Variants in ALKBH2 observed in about 807,000 individuals in gnomAD.
The protein encoded by ALKBH2 is DNA oxidative demethylase ALKBH2.
A neutral mutation model predicts 19.7 loss-of-function variants in ALKBH2; 19 were observed. The observed-to-expected ratio is 0.97, with a 90% CI of 0.67 to 1.42. The LOEUF (loss-of-function observed/expected upper bound fraction) is 1.42, where lower values mean the gene tolerates loss of function less well. Among genes scored for constraint, ALKBH2 ranks in the 40% most tolerant of loss-of-function variants. ALKBH2 has a pLI of 0.00. For synonymous variants in ALKBH2, 135 were observed against 131.2 expected (o/e 1.03, Z -0.20); for missense variants, 310 against 328.5 (o/e 0.94, Z 0.43).
At position 109,089,467 on chromosome 12, in the gene ALKBH2, G is replaced by T. The variant is rs147973384; in HGVS notation, c.479+542C>A. On this transcript the variant is annotated intron_variant, in intron 3 of 3. Transcript: ENST00000429722. The stretch of plus-strand genomic sequence containing the variant: ...AGGCCAGGGATCTGCTCAACATCCT[G>T]CAAGGCACAGGTCAGCCCCAACAAC... 5.4e-3 allele frequency among the ~76,000 whole-genome samples: 822 copies of T among 152,274 alleles called. 11 individuals carry two copies. The highest frequency in any genetic ancestry group is 0.012 in the South Asian group (59 of 4,832).
intron 2 of ALKBH2, among the ~76,000 whole-genome samples, chr12:109,091,520 G>A (rs1171405650): frequency 1.3e-5 from 2 of 152,060 alleles, no homozygotes; most frequent in Non-Finnish European, 2.9e-5. Flanking sequence ...ACCGTGCCTG[G>A]CCTGTGGGCT....
chr12:109,090,103 G>A lies in ALKBH2; in HGVS notation c.385C>T (p.Leu129=), dbSNP rs780699488. The A allele has an allele frequency of 1.5e-5, 24 of 1,614,094 alleles. No homozygotes were observed. The South Asian group carries it at 2.6e-4, about 18-fold the overall frequency. ...GLTYTFSGLT[L]SPKPWIPVLE... The stretch of plus-strand genomic sequence containing the variant: ...ACTGGGATCCAGGGCTTTGGAGACA[G>A]CGTGAGGCCTGAAAATGTGTAGGTC... Residue 129 remains leucine (L), a synonymous_variant, in exon 3 of 4, where the codon CTG becomes TTG. Transcript: ENST00000429722.
At position 109,092,734 on chromosome 12, in the gene ALKBH2, T is replaced by C. The variant is rs1321530501; in HGVS notation, c.53A>G (p.Glu18Gly). 2 of 1,614,008 alleles carry C rather than the reference T, an allele frequency of 1.2e-6. No homozygotes were observed. Among genetic ancestry groups the C allele is most frequent in the African/African-American group, 2.7e-5 (2 of 74,928 alleles). Residue 18 changes from glutamate (E) to glycine (G), a missense_variant, in exon 2 of 4, where the codon GAG (glutamate) becomes GGG (glycine). Glu to Gly is a moderately conservative substitution (Grantham distance 98). Transcript: ENST00000429722. The stretch of plus-strand genomic sequence containing the variant: ...CTCTTCTCCAGTTGGCTCTTGCTCC[T>C]CCTGCTTCCTCAAAAGGCCCCCTTG... ...GAQGGLLRKQ[E>G]EQEPTGEEPA...
Position 109,088,271 on chromosome 12 carries a change from T to A in ALKBH2, c.721A>T (p.Arg241Ter), listed in dbSNP as rs781476026. 1 of 1,613,794 alleles carries A rather than the reference T, an allele frequency of 6.2e-7. No individual in the cohort carries two copies. Among genetic ancestry groups the A allele is most frequent in the Non-Finnish European group, 8.5e-7 (1 of 1,179,888 alleles). Residue 241 changes from arginine (R) to a stop codon, truncating the protein, a stop_gained, in exon 4 of 4, where the codon AGA becomes TGA. Transcript: ENST00000429722. LOFTEE classifies it high-confidence loss of function. This position sits in a 1 kb window ranked among gnomAD's most constrained non-coding sequence, Gnocchi z 4.2. The stretch of plus-strand genomic sequence containing the variant: ...ACCCGTGGAGCCAGAACCTTCTTTC[T>A]CACGGGAAGACTGTGGTACCAGTGC... ...NTHWYHSLPV[R>*]KKVLAPRVNL...
Position 109,088,453 on chromosome 12 carries a change from G to A in ALKBH2, c.539C>T (p.Pro180Leu). The A allele has an allele frequency of 2.5e-6, 4 of 1,613,486 alleles. No homozygotes were observed. The highest frequency in any genetic ancestry group is 3.4e-6 in the Non-Finnish European group (4 of 1,179,534). Residue 180 changes from proline (P) to leucine (L), a missense_variant, in exon 4 of 4, where the codon CCT becomes CTT. By Grantham distance (98) the Pro-to-Leu change is moderately conservative. Transcript: ENST00000429722. This position sits in a 1 kb window ranked among gnomAD's most constrained non-coding sequence, Gnocchi z 4.2. ...EHRDDERELAPGSPIASVSFG... is the reference protein window; with the variant it reads ...EHRDDERELALGSPIASVSFG... ...GGAGACAGAGGCAATGGGGCTCCCA[G>A]GGGCCAGTTCTCTTTCATCATCTCG... is the stretch of plus-strand genomic sequence containing the variant.
intron 2 of ALKBH2, among the ~76,000 whole-genome samples, chr12:109,091,560 C>T (rs954016139): frequency 6.6e-6 from 1 of 151,650 alleles, no homozygotes. Context: ...TGTTTTGAGA[C>T]ACAGTCTCAC....
intron 2 of ALKBH2, 154 bp downstream of exon 2, chr12:109,092,353 C>G (rs1387997831): frequency 8.1e-7 from 1 of 1,242,064 alleles, no homozygotes; most frequent in African/African-American, 1.6e-5. Flanking sequence ...AGGGGCTTAG[C>G]CCAGAGGTGC....
intron 2 of ALKBH2, 49 bp from the exon 3 acceptor site, chr12:109,090,256 AAAT>A: frequency 6.4e-7 from 1 of 1,568,820 alleles, no homozygotes; most frequent in Non-Finnish European, 8.7e-7. Flanking sequence ...CCCCATCTAG[AAAT>A]CCAGATGCCC....
chr12:109,089,210 C>T (rs1299817569), intron 3 of ALKBH2, among the ~76,000 whole-genome samples: 2 of 152,238 alleles, frequency 1.3e-5, no homozygotes, highest in African/African-American at 4.8e-5. Flanking sequence ...GGCCATCCTG[C>T]AGCATTTTTG....
At chr12:109,089,336 G>A (rs11069058) in intron 3 of ALKBH2, among the ~76,000 whole-genome samples, 127,241 of 152,084 alleles carry the variant, frequency 0.84, 53,793 homozygotes, top group East Asian at 0.98. Context: ...CACCCCATCT[G>A]AAGTGACCTT....
chr12:109,092,300 A>T, intron 2 of ALKBH2: 1 of 663,738 alleles, frequency 1.5e-6, no homozygotes, highest in Non-Finnish European at 2.2e-6. Flanking sequence ...CTCCTAGTAG[A>T]CAGGCAATCC....
rs61358885 is a variant in ALKBH2 at position 109,092,473 on chromosome 12, GCA to G, written c.280+32_280+33del. 3,083 of 1,337,602 alleles carry G rather than the reference GCA, an allele frequency of 2.3e-3. 1 individual carries two copies. The highest frequency in any genetic ancestry group is 4.7e-3 in the South Asian group (301 of 64,400). 82.9% of individuals were successfully genotyped at this position (1,337,602 alleles called of 1,614,324 possible). A position where few individuals can be genotyped will look rare whatever the true frequency, so the allele number is the denominator to read the frequency against. Reference sequence around the variant, plus strand: ...TAATTGCACCAAACAAGCCCTCAATGCACACACACACACACACACACCCCTCT... The same window carrying G: ...TAATTGCACCAAACAAGCCCTCAATGCACACACACACACACACACCCCTCT... On this transcript the variant is annotated intron_variant, in intron 2 of 3. Coordinates refer to ENST00000429722, the MANE Select transcript of ALKBH2 (RefSeq NM_001145374.2).
chr12:109,091,408 C>T (rs773496594), intron 2 of ALKBH2, among the ~76,000 whole-genome samples: 1 of 151,872 alleles, frequency 6.6e-6, no homozygotes, highest in Non-Finnish European at 1.5e-5. Flanking sequence ...AATAAAGTGA[C>T]GAGGGGGTCT....
intron 2 of ALKBH2, among the ~76,000 whole-genome samples, 198 bp from the exon 3 acceptor site, chr12:109,090,405 T>A (rs1269642833): frequency 6.6e-6 from 1 of 152,216 alleles, no homozygotes; most frequent in Non-Finnish European, 1.5e-5. Flanking sequence ...TCAATCATCA[T>A]TTTGGCTTGC....
chr12:109,089,955 C>T (rs993892040), intron 3 of ALKBH2, 54 bp downstream of exon 3: 3 of 1,597,576 alleles, frequency 1.9e-6, no homozygotes, highest in Admixed American at 1.7e-5. Flanking sequence ...TAAACACTTC[C>T]TTTTGGAGGA....
chr12:109,090,315 C>T (rs990383926), intron 2 of ALKBH2, 108 bp from the exon 3 acceptor site: 4 of 882,202 alleles, frequency 4.5e-6, no homozygotes, highest in African/African-American at 1.6e-5. Flanking sequence ...GCCCCACATA[C>T]ATGCTCCCTG....
At position 109,088,579 on chromosome 12, in the gene ALKBH2, C is replaced by T; in HGVS notation, c.480-67G>A. The T allele has an allele frequency of 6.9e-7, 1 of 1,443,944 alleles. No individual in the cohort carries two copies. The highest frequency in any genetic ancestry group is 9.4e-7 in the Non-Finnish European group (1 of 1,065,436). The allele number at this position is 1,443,944 out of a possible 1,614,324, so 89.4% of individuals were successfully genotyped here. ...TCCTGAAACTCACCAGCACCGCCAG[C>T]CCTCGTTTTCCTCACAGTGTGAAAC... On this transcript the variant is annotated intron_variant, in intron 3 of 3. Transcript: ENST00000429722. The surrounding 1 kb of genome is among the most constrained non-coding windows in gnomAD (Gnocchi z 4.2).
chr12:109,089,425 T>TG (rs2042024342), intron 3 of ALKBH2, among the ~76,000 whole-genome samples: 1 of 152,094 alleles, frequency 6.6e-6, no homozygotes, highest in South Asian at 2.1e-4. Flanking sequence ...GGACACTACT[T>TG]GCAATCTAGT....
In ALKBH2 at chr12:109,088,212, T is replaced by G; in HGVS notation, c.780A>C (p.Lys260Asn). The G allele has an allele frequency of 6.3e-7, 1 of 1,591,336 alleles. No homozygotes were observed. The highest frequency in any genetic ancestry group is 1.1e-5 in the South Asian group (1 of 89,460). Residue 260 changes from lysine to asparagine, a missense_variant, in exon 4 of 4, where the codon AAA (lysine) becomes AAC (asparagine). Physicochemically the swap from Lys to Asn is moderately conservative, Grantham distance 94. Transcript: ENST00000429722. This position sits in a 1 kb window ranked among gnomAD's most constrained non-coding sequence, Gnocchi z 4.2. ...AAAACTGTTAAAAATGTTTTTATTT[T>G]TTAGTAAGCAAAATTTTACGAAAAG... is the stretch of plus-strand genomic sequence containing the variant. The part of the protein sequence containing the change: ...NLTFRKILLT[K>N]K
Sources: gnomAD v4.1 joint callset for allele counts (sites outside exome capture counted in the v4.1 genomes callset) on GRCh38, gnomAD v4.1.1 for gene constraint, Gnocchi (gnomAD v3.1) non-coding constraint, MANE v1.5 for transcripts, NCBI Gene and HGNC (gene_info 2026-07-23, HGNC 2026-07-21) for gene names.